Variants in OSBP2 observed in about 807,000 individuals in gnomAD.
OSBP2 encodes oxysterol-binding protein 2.
Under a neutral mutation model 96.0 loss-of-function variants are expected in OSBP2, and 66 were observed. The observed-to-expected ratio is 0.69, with a 90% CI of 0.56 to 0.84. The LOEUF (loss-of-function observed/expected upper bound fraction) is 0.84, where lower values mean the gene tolerates loss of function less well. OSBP2 is among the 40% of genes least tolerant of loss of function. The pLI is 0.00. For missense variants in OSBP2, 1,038 were observed against 1,222.7 expected (o/e 0.85, Z 2.25); for synonymous variants, 525 against 520.9 (o/e 1.01, Z -0.11).
At chr22:30,699,878 T>G (rs1262723600) in intron 1 of OSBP2, among the ~76,000 whole-genome samples, 1 of 152,186 alleles carries the variant, frequency 6.6e-6, no homozygotes, top group Non-Finnish European at 1.5e-5. Flanking sequence ...AAAAAGTATT[T>G]CTATGAGATA....
chr22:30,888,009 A>T (rs2039854808), intron 4 of OSBP2, among the ~76,000 whole-genome samples: 1 of 152,138 alleles, frequency 6.6e-6, no homozygotes, highest in Non-Finnish European at 1.5e-5. Context: ...GCTTCCAGAA[A>T]GAGGCTCCTG....
At chr22:30,863,708 T>G (rs2039272561) in intron 2 of OSBP2, among the ~76,000 whole-genome samples, 1 of 152,160 alleles carries the variant, frequency 6.6e-6, no homozygotes, top group Non-Finnish European at 1.5e-5. Flanking sequence ...GGGACAGCAG[T>G]GCCTGTCTCC....
rs59127224 is a variant in OSBP2, at chr22:30,786,620, A to C, written c.853+45251A>C. Reference sequence around the variant, plus strand: ...GGGTGAGGAGGAATTCACTTGTTGAAGATAGGAGGAGTACAATTGAAAATG... The same window carrying C: ...GGGTGAGGAGGAATTCACTTGTTGACGATAGGAGGAGTACAATTGAAAATG... On this transcript the variant is annotated intron_variant, in intron 2 of 13. Transcript: ENST00000332585. 7.9e-3 allele frequency among the ~76,000 whole-genome samples: 1,188 copies of C among 151,196 alleles called. 13 individuals are homozygous for C. Among genetic ancestry groups the C allele is most frequent in the African/African-American group, 0.027 (1,124 of 41,204 alleles).
chr22:30,842,996 C>G (rs2038785675), intron 2 of OSBP2, among the ~76,000 whole-genome samples: 1 of 152,094 alleles, frequency 6.6e-6, no homozygotes, highest in Non-Finnish European at 1.5e-5. Context: ...GTTGGCCAGG[C>G]TGGTCTCAAA....
At chr22:30,882,333 T>A (rs1200902723) in intron 3 of OSBP2, among the ~76,000 whole-genome samples, 3 of 151,990 alleles carry the variant, frequency 2.0e-5, no homozygotes, top group African/African-American at 7.3e-5. Flanking sequence ...CAGACGGCAA[T>A]CAAGATTTGG....
intron 2 of OSBP2, among the ~76,000 whole-genome samples, chr22:30,780,717 C>T (rs765950690): frequency 2.0e-5 from 3 of 152,094 alleles, no homozygotes; most frequent in Non-Finnish European, 4.4e-5. Flanking sequence ...AGGCTGGTCT[C>T]GAACTCCTGA....
intron 2 of OSBP2, among the ~76,000 whole-genome samples, chr22:30,742,151 G>A (rs1027789172): frequency 2.6e-5 from 4 of 151,762 alleles, no homozygotes; most frequent in Non-Finnish European, 4.4e-5. Flanking sequence ...TGTAATGTTC[G>A]GCTGGGTGTG....
intron 2 of OSBP2, among the ~76,000 whole-genome samples, chr22:30,784,434 AT>A (rs901684332): frequency 9.3e-5 from 14 of 150,962 alleles, no homozygotes; most frequent in Admixed American, 1.3e-4. Flanking sequence ...AAAAAAAAAA[AT>A]TTTTTTAAAG....
At chr22:30,716,558 C>T (rs1465018852) in intron 1 of OSBP2, among the ~76,000 whole-genome samples, 1 of 152,148 alleles carries the variant, frequency 6.6e-6, no homozygotes, top group East Asian at 1.9e-4. Context: ...CTGCCTCAGC[C>T]TTCTGAGTAG....
At chr22:30,782,961 T>C (rs1425128970) in intron 2 of OSBP2, among the ~76,000 whole-genome samples, 1 of 152,096 alleles carries the variant, frequency 6.6e-6, no homozygotes, top group Non-Finnish European at 1.5e-5. Flanking sequence ...CAGGTTCTCC[T>C]GATGAGCAAT....
intron 12 of OSBP2, among the ~76,000 whole-genome samples, chr22:30,905,383 C>T (rs576102968): frequency 1.3e-5 from 2 of 151,892 alleles, no homozygotes; most frequent in Non-Finnish European, 2.9e-5. Flanking sequence ...ACCTCGTGAT[C>T]CACCGGCCTC....
At chr22:30,859,132 T>C (rs2039153654) in intron 2 of OSBP2, among the ~76,000 whole-genome samples, 1 of 151,742 alleles carries the variant, frequency 6.6e-6, no homozygotes, top group Non-Finnish European at 1.5e-5. Context: ...GGCAGCCGCG[T>C]GTGGAAAATG....
intron 2 of OSBP2, among the ~76,000 whole-genome samples, chr22:30,855,233 A>G (rs1446075715): frequency 6.6e-6 from 1 of 152,150 alleles, no homozygotes; most frequent in African/African-American, 2.4e-5. Flanking sequence ...CTAACAGGCT[A>G]TATAGTTCTA....
intron 2 of OSBP2, among the ~76,000 whole-genome samples, chr22:30,805,317 G>A (rs1019829445): frequency 2.0e-5 from 3 of 152,222 alleles, no homozygotes; most frequent in Non-Finnish European, 4.4e-5. Flanking sequence ...AATAGAACAC[G>A]TTTCATTTTG....
chr22:30,885,217 A>G (rs2039785196), intron 3 of OSBP2, among the ~76,000 whole-genome samples: 2 of 152,172 alleles, frequency 1.3e-5, no homozygotes, highest in South Asian at 2.1e-4. Context: ...GCTCCAGGTC[A>G]GCTGGGGCAA....
At chr22:30,843,806 T>G (rs183553694) in intron 2 of OSBP2, among the ~76,000 whole-genome samples, 3 of 151,708 alleles carry the variant, frequency 2.0e-5, no homozygotes, top group Admixed American at 6.6e-5. Context: ...AGTTGGAGGT[T>G]GCAGTGAGCC....
At chr22:30,699,023 C>A (rs1030939233) in intron 1 of OSBP2, among the ~76,000 whole-genome samples, 3 of 151,948 alleles carry the variant, frequency 2.0e-5, no homozygotes, top group Non-Finnish European at 4.4e-5. Context: ...CTTACTACAC[C>A]CTCCCACTCC....
At chr22:30,791,253 T>TGA (rs1177177625) in intron 2 of OSBP2, among the ~76,000 whole-genome samples, 1 of 149,514 alleles carries the variant, frequency 6.7e-6, no homozygotes, top group East Asian at 2.0e-4. Context: ...ATTACAGGTG[T>TGA]GAGCCACCAT....
chr22:30,816,168 G>A (rs572408238), intron 2 of OSBP2, among the ~76,000 whole-genome samples: 134 of 151,942 alleles, frequency 8.8e-4, no homozygotes, highest in African/African-American at 3.1e-3. Flanking sequence ...ATAAGGATAC[G>A]CCAAGGCTGC....
Sources: gnomAD v4.1 joint callset for allele counts (sites outside exome capture counted in the v4.1 genomes callset) on GRCh38, gnomAD v4.1.1 for gene constraint, MANE v1.5 for transcripts, NCBI Gene and HGNC (gene_info 2026-07-23, HGNC 2026-07-21) for gene names.